The following ACVR1 variants were observed in gnomAD, a reference collection of about 807,000 sequenced individuals.
ACVR1 encodes activin A receptor type 1, also known as activin receptor type-1.
ACVR1 carries 38 observed loss-of-function variants against 57.1 expected under a neutral mutation model. That is an observed-to-expected ratio of 0.67 (90% CI 0.51 to 0.87). ACVR1 has a LOEUF of 0.87. Ranked by LOEUF, ACVR1 falls within the 40% of genes least tolerant of loss-of-function variation. The probability of loss-of-function intolerance (pLI) is 0.00; values close to 1 mark genes in which losing one functional copy is unlikely to be tolerated. For synonymous variants in ACVR1, 212 were observed against 228.1 expected (o/e 0.93, Z 0.63); for missense variants, 463 against 638.2 (o/e 0.73, Z 2.96).
chr2:157,851,379 AT>A (rs1053442168), intron 1 of ACVR1, among the ~76,000 whole-genome samples: 10 of 152,122 alleles, frequency 6.6e-5, no homozygotes, highest in Non-Finnish European at 1.2e-4. Flanking sequence ...AAGTCAAAAA[AT>A]CAGGAGAGAA....
intron 5 of ACVR1, 124 bp from the exon 6 acceptor site, chr2:157,774,311 T>A (rs930620620): frequency 2.6e-6 from 2 of 759,592 alleles, no homozygotes; most frequent in African/African-American, 3.5e-5. Context: ...GGCCTGTTAG[T>A]GTACATGTAA....
At chr2:157,852,898 GA>G (rs1352784470) in intron 1 of ACVR1, among the ~76,000 whole-genome samples, 1 of 152,122 alleles carries the variant, frequency 6.6e-6, no homozygotes, top group Admixed American at 6.5e-5. Flanking sequence ...GGAAAACAAT[GA>G]AAAGACCCAA....
At chr2:157,870,913 T>A (rs1690096567) in intron 1 of ACVR1, among the ~76,000 whole-genome samples, 1 of 152,222 alleles carries the variant, frequency 6.6e-6, no homozygotes, top group South Asian at 2.1e-4. Context: ...GTGACTGGTA[T>A]CATCTTGTCA....
intron 7 of ACVR1, among the ~76,000 whole-genome samples, chr2:157,769,034 A>G (rs1685980176): frequency 6.6e-6 from 1 of 152,182 alleles, no homozygotes; most frequent in South Asian, 2.1e-4. Flanking sequence ...AGCACAATTA[A>G]TTCCACTGGG....
At chr2:157,762,979 C>T (rs553652767) in intron 8 of ACVR1, among the ~76,000 whole-genome samples, 41 of 152,274 alleles carry the variant, frequency 2.7e-4, no homozygotes, top group Admixed American at 3.3e-4. Context: ...TCCTGACTCT[C>T]AAGAGACTGT....
chr2:157,776,468 C>CA (rs3835768), intron 5 of ACVR1, among the ~76,000 whole-genome samples: 125,616 of 152,080 alleles, frequency 0.83, 51,920 homozygotes, highest in East Asian at 0.93. Flanking sequence ...ATATATCTAA[C>CA]AAAAAAAATT....
chr2:157,841,131 C>A lies in ACVR1; in HGVS notation c.-182-22572G>T, dbSNP rs146479195. Among the ~76,000 whole-genome samples the A allele has an allele frequency of 7.7e-3, 1,173 of 152,268 alleles. 17 individuals carry two copies. The highest frequency in any genetic ancestry group is 0.027 in the African/African-American group (1,116 of 41,538). ...AATGCCCTGGCCACTCTCCTCTTGT[C>A]CATACTTGGCTTCTAATCCCCAAAG... On this transcript the variant is annotated intron_variant, in intron 1 of 10. Transcript: ENST00000434821.
rs1684573571 is a variant in ACVR1, at chr2:157,737,383, T to C, written c.*148A>G. ...GTGGTTTTGATGTCTCCCCAACACA[T>C]GGCTGGGTACGACGTCTGCCTTGTC... On this transcript the variant is annotated 3_prime_UTR_variant, in exon 11 of 11. Coordinates refer to ENST00000434821, the MANE Select transcript of ACVR1 (RefSeq NM_001111067.4). The C allele has an allele frequency of 4.7e-6, 5 of 1,054,046 alleles. No homozygotes were observed. Among genetic ancestry groups the C allele is most frequent in the East Asian group, 2.6e-5 (1 of 38,598 alleles). The allele number at this position is 1,054,046 out of a possible 1,614,324, so 65.3% of individuals were successfully genotyped here.
At chr2:157,753,347 G>A (rs751510917) in intron 9 of ACVR1, among the ~76,000 whole-genome samples, 1 of 152,140 alleles carries the variant, frequency 6.6e-6, no homozygotes, top group Non-Finnish European at 1.5e-5. Flanking sequence ...GGCCAAAATG[G>A]TGAAACCCTG....
rs762674655 is a variant in ACVR1, at chr2:157,764,942, T to C, written c.1066+979A>G. On this transcript the variant is annotated intron_variant, in intron 8 of 10. Coordinates refer to ENST00000434821, the MANE Select transcript of ACVR1 (RefSeq NM_001111067.4). Reference sequence around the variant, plus strand: ...TTTTCCTAACATGTCAAATCCCTTATGTTTAAAAACAAACAAAAATAAACT... The same window carrying C: ...TTTTCCTAACATGTCAAATCCCTTACGTTTAAAAACAAACAAAAATAAACT... 5.3e-5 allele frequency among the ~76,000 whole-genome samples: 8 copies of C among 152,214 alleles called. No individual in the cohort carries two copies. The East Asian group carries it at 5.8e-4, about 11-fold the overall frequency.
chr2:157,830,836 G>T (rs1688556888), intron 1 of ACVR1, among the ~76,000 whole-genome samples: 1 of 152,108 alleles, frequency 6.6e-6, no homozygotes, highest in South Asian at 2.1e-4. Context: ...GCTCTCACTG[G>T]CTGGCCTGCT....
At chr2:157,838,370 A>G (rs1380074560) in intron 1 of ACVR1, 1 of 152,228 alleles carries the variant, frequency 6.6e-6, no homozygotes, top group Non-Finnish European at 1.5e-5. Context: ...ACCCATAGTG[A>G]CAAGTTGCTT....
intron 9 of ACVR1, among the ~76,000 whole-genome samples, chr2:157,749,227 TTAAAG>T (rs1439808157): frequency 5.3e-5 from 8 of 152,334 alleles, no homozygotes; most frequent in Middle Eastern, 3.4e-3. Context: ...TACAATGTAC[TTAAAG>T]TAAAGTTCAA....
intron 1 of ACVR1, among the ~76,000 whole-genome samples, chr2:157,855,837 T>C (rs1456076129): frequency 6.6e-6 from 1 of 152,174 alleles, no homozygotes; most frequent in Non-Finnish European, 1.5e-5. Context: ...ATGTTTTGTC[T>C]GACTCATACT....
intron 8 of ACVR1, 116 bp from the exon 9 acceptor site, chr2:157,761,193 T>G (rs1685638396): frequency 1.1e-6 from 1 of 918,860 alleles, no homozygotes; most frequent in South Asian, 1.4e-5. Context: ...AGGGTCACTG[T>G]TGCAATACAC....
intron 1 of ACVR1, among the ~76,000 whole-genome samples, chr2:157,850,157 A>G (rs1401392427): frequency 6.6e-6 from 1 of 152,190 alleles, no homozygotes; most frequent in African/African-American, 2.4e-5. Flanking sequence ...TAGGAGGCTG[A>G]GGTGGGCAGA....
intron 1 of ACVR1, among the ~76,000 whole-genome samples, chr2:157,866,769 C>T (rs1377709977): frequency 6.6e-6 from 1 of 152,184 alleles, no homozygotes; most frequent in African/African-American, 2.4e-5. Flanking sequence ...TGTTATTTTA[C>T]TCCTCTATTC....
At chr2:157,813,051 A>G (rs908130832) in intron 2 of ACVR1, among the ~76,000 whole-genome samples, 6 of 152,184 alleles carry the variant, frequency 3.9e-5, no homozygotes, top group African/African-American at 1.4e-4. Context: ...CAAAAATAAT[A>G]GGTTTTCTTC....
chr2:157,781,461 G>A (rs1275371298), intron 3 of ACVR1, among the ~76,000 whole-genome samples: 3 of 152,166 alleles, frequency 2.0e-5, no homozygotes, highest in Non-Finnish European at 4.4e-5. Flanking sequence ...TTCACTAGTG[G>A]TAACACTAAA....
Sources: gnomAD v4.1 joint callset for allele counts (sites outside exome capture counted in the v4.1 genomes callset) on GRCh38, gnomAD v4.1.1 for gene constraint, MANE v1.5 for transcripts, NCBI Gene and HGNC (gene_info 2026-07-23, HGNC 2026-07-21) for gene names.